Variants in KCNIP4 observed in about 807,000 individuals in gnomAD.
KCNIP4 encodes the protein potassium voltage-gated channel interacting protein 4, also known as Kv channel-interacting protein 4.
Under a neutral mutation model 34.0 loss-of-function variants are expected in KCNIP4, and 12 were observed. The observed-to-expected ratio is 0.35, with a 90% CI of 0.23 to 0.57. The LOEUF is 0.57. Among genes scored for constraint, KCNIP4 ranks in the 20% least tolerant of loss-of-function variants. The pLI, the probability that KCNIP4 is intolerant of heterozygous loss-of-function variation, is 0.83. For missense variants in KCNIP4, 238 were observed against 311.7 expected, an observed-to-expected ratio of 0.76 and a Z score of 1.78; for synonymous variants, 124 against 102.2, an observed-to-expected ratio of 1.21 and a Z score of -1.29.
chr4:21,115,892 T>C lies in KCNIP4; in HGVS notation c.62-233183A>G, dbSNP rs538837694. On this transcript the variant is annotated intron_variant, in intron 1 of 8. Coordinates refer to ENST00000382152, the MANE Select transcript of KCNIP4 (RefSeq NM_025221.6). ...GTCCAATAATAATCCTTAACAGATA[T>C]AAGCTTTTTTAGAACATCTATGTAA... is the stretch of plus-strand genomic sequence containing the variant. Among the ~76,000 whole-genome samples the C allele has an allele frequency of 3.9e-5, 6 of 152,338 alleles. No individual in the cohort carries two copies. In the South Asian group the frequency reaches 1.0e-3, roughly 26 times the overall value.
At chr4:20,896,319 A>G (rs1277117773) in intron 1 of KCNIP4, among the ~76,000 whole-genome samples, 1 of 152,332 alleles carries the variant, frequency 6.6e-6, no homozygotes, top group African/African-American at 2.4e-5. Context: ...TTGTTTACAC[A>G]TGGACATTGT....
intron 1 of KCNIP4, among the ~76,000 whole-genome samples, chr4:21,931,029 T>G (rs1729532881): frequency 6.6e-6 from 1 of 152,130 alleles, no homozygotes. Flanking sequence ...AGAACCAAAT[T>G]ATGATTAGTA....
At chr4:21,704,715 C>A (rs1301275022) in intron 1 of KCNIP4, among the ~76,000 whole-genome samples, 1 of 152,000 alleles carries the variant, frequency 6.6e-6, no homozygotes, top group Admixed American at 6.6e-5. Context: ...GTGTCAAGAC[C>A]AAATGTTGGC....
chr4:21,155,530 G>A (rs937364243), intron 1 of KCNIP4, among the ~76,000 whole-genome samples: 6 of 152,116 alleles, frequency 3.9e-5, no homozygotes, highest in African/African-American at 1.2e-4. Context: ...TCCTGGGAGT[G>A]AGGAGGAGCA....
chr4:21,451,178 G>A (rs948945420), intron 1 of KCNIP4, among the ~76,000 whole-genome samples: 3 of 152,146 alleles, frequency 2.0e-5, no homozygotes, highest in Non-Finnish European at 4.4e-5. Flanking sequence ...TTTTGTTAAT[G>A]TGAAGCTAGT....
intron 1 of KCNIP4, among the ~76,000 whole-genome samples, chr4:21,879,193 C>A (rs551965167): frequency 6.6e-6 from 1 of 152,018 alleles, no homozygotes; most frequent in Non-Finnish European, 1.5e-5. Context: ...AAATTGCACA[C>A]CCTCAAGGAA....
At chr4:21,940,854 GT>G (rs543428000) in intron 1 of KCNIP4, among the ~76,000 whole-genome samples, 43 of 151,330 alleles carry the variant, frequency 2.8e-4, no homozygotes, top group South Asian at 2.3e-3. Flanking sequence ...TATTATTTTA[GT>G]TTTTTTTTCT....
intron 1 of KCNIP4, among the ~76,000 whole-genome samples, chr4:20,954,402 A>G (rs1189409915): frequency 6.6e-6 from 1 of 152,200 alleles, no homozygotes; most frequent in African/African-American, 2.4e-5. Flanking sequence ...GAATAATTGA[A>G]ATTTTAAAGT....
chr4:21,885,157 CAATA>C (rs1726693430), intron 1 of KCNIP4, among the ~76,000 whole-genome samples: 1 of 151,956 alleles, frequency 6.6e-6, no homozygotes, highest in African/African-American at 2.4e-5. Flanking sequence ...AACTGGGGTC[CAATA>C]AATACAGAAA....
intron 1 of KCNIP4, among the ~76,000 whole-genome samples, chr4:21,677,270 A>C (rs1187752872): frequency 1.3e-5 from 2 of 152,192 alleles, no homozygotes; most frequent in Non-Finnish European, 2.9e-5. Context: ...GGCCTGATTC[A>C]CTTGAAGAAT....
intron 1 of KCNIP4, among the ~76,000 whole-genome samples, chr4:21,351,744 C>A (rs1718022334): frequency 6.6e-6 from 1 of 152,036 alleles, no homozygotes; most frequent in Non-Finnish European, 1.5e-5. Flanking sequence ...GAGGTAAGAC[C>A]ATTTGAAGAC....
At chr4:20,855,287 A>G (rs1721451164) in intron 2 of KCNIP4, among the ~76,000 whole-genome samples, 2 of 152,112 alleles carry the variant, frequency 1.3e-5, no homozygotes, top group African/African-American at 4.8e-5. Flanking sequence ...ACCAATCCAC[A>G]CCTCAGATGA....
At chr4:21,060,954 A>G (rs1743861578) in intron 1 of KCNIP4, among the ~76,000 whole-genome samples, 1 of 152,198 alleles carries the variant, frequency 6.6e-6, no homozygotes, top group South Asian at 2.1e-4. Flanking sequence ...ATAGGGAAAC[A>G]TATGCTAATG....
intron 2 of KCNIP4, among the ~76,000 whole-genome samples, chr4:20,864,552 G>A (rs1722675062): frequency 6.6e-6 from 1 of 152,064 alleles, no homozygotes; most frequent in South Asian, 2.1e-4. Context: ...AGTCTGGGAA[G>A]TCTGGTTCCA....
At chr4:21,605,579 C>G (rs1030591932) in intron 1 of KCNIP4, among the ~76,000 whole-genome samples, 1 of 152,048 alleles carries the variant, frequency 6.6e-6, no homozygotes, top group Non-Finnish European at 1.5e-5. Flanking sequence ...CTCCCAGGTT[C>G]AAGCGATTCT....
chr4:21,214,909 G>T (rs1025168877), intron 1 of KCNIP4, among the ~76,000 whole-genome samples: 1 of 152,078 alleles, frequency 6.6e-6, no homozygotes, highest in African/African-American at 2.4e-5. Flanking sequence ...TTTTTGTAGA[G>T]GTTCATAGTA....
intron 1 of KCNIP4, among the ~76,000 whole-genome samples, chr4:21,524,486 AC>A (rs1339276817): frequency 1.3e-5 from 2 of 152,064 alleles, no homozygotes; most frequent in Non-Finnish European, 2.9e-5. Context: ...AGCCACTATG[AC>A]TTTTTTTTCT....
intron 1 of KCNIP4, among the ~76,000 whole-genome samples, chr4:21,247,016 T>C (rs1274481761): frequency 2.0e-5 from 3 of 152,204 alleles, no homozygotes; most frequent in Non-Finnish European, 4.4e-5. Context: ...AAGGATTATA[T>C]TGCTAATATC....
chr4:21,347,068 T>G (rs1717509795), intron 1 of KCNIP4, among the ~76,000 whole-genome samples: 1 of 152,166 alleles, frequency 6.6e-6, no homozygotes, highest in Non-Finnish European at 1.5e-5. Flanking sequence ...TCTGCAACCT[T>G]CTAGCTGTGT....
Sources: allele counts gnomAD v4.1 joint callset (sites outside exome capture counted in the v4.1 genomes callset), GRCh38; gene constraint gnomAD v4.1.1; transcripts MANE v1.5; gene names NCBI Gene and HGNC (gene_info 2026-07-23, HGNC 2026-07-21).